The following CCNB3 variants were observed in gnomAD, a reference collection of about 807,000 sequenced individuals.
CCNB3 encodes the protein cyclin B3.
A neutral mutation model predicts 68.0 loss-of-function variants in CCNB3; 12 were observed. That is an observed-to-expected ratio of 0.18 (90% CI 0.11 to 0.29). CCNB3 has a LOEUF of 0.29. CCNB3 is among the 10% of genes least tolerant of loss of function. CCNB3 has a pLI of 1.00. For missense variants in CCNB3, 904 were observed against 993.1 expected, an observed-to-expected ratio of 0.91 and a Z score of 1.21; for synonymous variants, 354 against 388.9, an observed-to-expected ratio of 0.91 and a Z score of 1.06.
chrX:50,347,899 C>G lies in CCNB3; in HGVS notation c.3960+124C>G, dbSNP rs1923485489. 3.3e-5 allele frequency: 21 copies of G among 645,432 alleles called. No individual in the cohort carries two copies. In the South Asian group the frequency reaches 7.5e-4, roughly 23 times the overall value. 53.2% of individuals were successfully genotyped at this position (645,432 alleles called of 1,213,427 possible). A position where few individuals can be genotyped will look rare whatever the true frequency, so the allele number is the denominator to read the frequency against. ...GGACAAAACTGACACATATTCACCACTGTGAACTCTAACACCTGGACAACT... is the reference window on the plus strand; with the variant it reads ...GGACAAAACTGACACATATTCACCAGTGTGAACTCTAACACCTGGACAACT... On this transcript the variant is annotated intron_variant, in intron 11 of 12. Transcript: ENST00000376042.
chrX:50,297,483 G>A (rs1445715639), intron 5 of CCNB3, among the ~76,000 whole-genome samples: 28 of 111,635 alleles, frequency 2.5e-4, no homozygotes, highest in African/African-American at 7.1e-4. Flanking sequence ...TGTTCCATTG[G>A]TCTATATCTC....
At chrX:50,342,381 C>T (rs1923186155) in intron 9 of CCNB3, 42 bp downstream of exon 9, 1 of 1,115,026 alleles carries the variant, frequency 9.0e-7, no homozygotes, top group Non-Finnish European at 1.2e-6. Flanking sequence ...AATCAAGTTT[C>T]TGTCCAACCC....
chrX:50,295,124 C>T, intron 5 of CCNB3, 131 bp downstream of exon 5: 2 of 644,615 alleles, frequency 3.1e-6, no homozygotes, highest in East Asian at 7.0e-5. Flanking sequence ...CTGAGGTGGG[C>T]TCAGCTGTGG....
intron 1 of CCNB3, among the ~76,000 whole-genome samples, chrX:50,227,814 A>G (rs1313153983): frequency 1.1e-3 from 91 of 85,506 alleles, no homozygotes; most frequent in Non-Finnish European, 1.5e-3. Flanking sequence ...AAATATAAAT[A>G]TATAGAGAAT....
At chrX:50,219,945 C>CT (rs1482286299) in intron 1 of CCNB3, among the ~76,000 whole-genome samples, 6 of 110,824 alleles carry the variant, frequency 5.4e-5, no homozygotes, top group Non-Finnish European at 1.1e-4. Context: ...CTCTTTTTTC[C>CT]TTAAGCAGTG....
chrX:50,342,325 G>A lies in CCNB3; in HGVS notation c.3640G>A (p.Ala1214Thr). ...QLLGATAFMI[A>T]AKFEEHNSPR... ...CCTTGGTGCCACTGCCTTTATGATT[G>A]CAGCAAAATTTGAGGTGAGTCTGAG... is the stretch of plus-strand genomic sequence containing the variant. Residue 1214 changes from alanine (A) to threonine (T), a missense_variant, in exon 9 of 13, where the codon GCA becomes ACA. By Grantham distance (58) the Ala-to-Thr change is moderately conservative. This residue lies in a region of CCNB3 where 285 missense variants were observed against 383.4 expected (regional missense o/e 0.74). Coordinates refer to ENST00000376042, the MANE Select transcript of CCNB3 (RefSeq NM_033031.3). 1 of 1,198,430 alleles carries A rather than the reference G, an allele frequency of 8.3e-7. No individual in the cohort carries two copies. Among genetic ancestry groups the A allele is most frequent in the Non-Finnish European group, 1.1e-6 (1 of 889,088 alleles).
At chrX:50,214,624 G>A (rs1267140275) in intron 1 of CCNB3, among the ~76,000 whole-genome samples, 1 of 95,443 alleles carries the variant, frequency 1.0e-5, no homozygotes, top group Non-Finnish European at 2.1e-5. Context: ...ATATAATATT[G>A]TATTTTATGT....
intron 4 of CCNB3, among the ~76,000 whole-genome samples, chrX:50,290,402 C>A (rs1377095867): frequency 9.0e-6 from 1 of 111,400 alleles, no homozygotes; most frequent in African/African-American, 3.3e-5. Flanking sequence ...CTTCCTCGGG[C>A]CTCTTTTATA....
At chrX:50,288,367 A>T (rs782043698) in intron 3 of CCNB3, among the ~76,000 whole-genome samples, 9 of 111,092 alleles carry the variant, frequency 8.1e-5, no homozygotes, top group Non-Finnish European at 1.5e-4. Flanking sequence ...AGAGACACTT[A>T]GATACTTGTT....
intron 11 of CCNB3, 66 bp from the exon 12 acceptor site, chrX:50,351,175 A>G: frequency 8.6e-7 from 1 of 1,160,403 alleles, no homozygotes; most frequent in Non-Finnish European, 1.2e-6. Flanking sequence ...TAGACTTGGG[A>G]TAGCAGAGAT....
intron 1 of CCNB3, among the ~76,000 whole-genome samples, chrX:50,280,406 G>C (rs914872277): frequency 9.3e-6 from 1 of 107,647 alleles, no homozygotes; most frequent in Non-Finnish European, 1.9e-5. Flanking sequence ...TGAATGAAAT[G>C]AATGAGATAT....
At chrX:50,285,908 G>A (rs1045814746) in intron 3 of CCNB3, among the ~76,000 whole-genome samples, 1 of 111,928 alleles carries the variant, frequency 8.9e-6, no homozygotes, top group Non-Finnish European at 1.9e-5. Flanking sequence ...TCAGCGAGGT[G>A]CCAAATTTTT....
chrX:50,343,899 C>G (rs1190153166), intron 9 of CCNB3, among the ~76,000 whole-genome samples: 1 of 111,495 alleles, frequency 9.0e-6, no homozygotes, highest in Non-Finnish European at 1.9e-5. Context: ...AATTTAGTGT[C>G]GCCTAATTGT....
intron 8 of CCNB3, 47 bp downstream of exon 8, chrX:50,313,995 A>C: frequency 6.0e-6 from 6 of 1,008,039 alleles, no homozygotes; most frequent in Non-Finnish European, 8.4e-6. Flanking sequence ...TCTCTTTCTC[A>C]TTCAGGGCTG....
chrX:50,285,190 C>T lies in CCNB3; in HGVS notation c.27C>T (p.Ser9=). The T allele has an allele frequency of 1.7e-6, 2 of 1,210,453 alleles. No homozygotes were observed. The highest frequency in any genetic ancestry group is 1.1e-6 in the Non-Finnish European group (1 of 894,437). The change falls in exon 3 of 13, where the codon AGC becomes AGT. Residue 9 remains serine, a synonymous_variant. Transcript: ENST00000376042. ...TGCTACTGCCACTACCACCCCAGAG[C>T]TCCAAACCTGTGCCTAAGAAATCTC... MLLPLPPQ[S]SKPVPKKSQS... is the part of the protein sequence containing the mutation.
chrX:50,307,627 C>T (rs1557213738), intron 5 of CCNB3, among the ~76,000 whole-genome samples: 1 of 110,161 alleles, frequency 9.1e-6, no homozygotes, highest in Non-Finnish European at 1.9e-5. Context: ...TTTCAATACC[C>T]CCCGTCCACT....
intron 1 of CCNB3, among the ~76,000 whole-genome samples, chrX:50,222,613 A>T (rs1445665697): frequency 9.0e-6 from 1 of 111,711 alleles, no homozygotes; most frequent in Admixed American, 9.5e-5. Context: ...CTTCTGGCCT[A>T]TAGGGTTTCT....
intron 3 of CCNB3, among the ~76,000 whole-genome samples, chrX:50,287,346 C>T (rs782732259): frequency 8.1e-5 from 9 of 111,077 alleles, no homozygotes; most frequent in Admixed American, 3.8e-4. Flanking sequence ...TTCCCTTCCC[C>T]GGCCCCTCCT....
intron 5 of CCNB3, among the ~76,000 whole-genome samples, chrX:50,306,602 GTT>G (rs1211754578): frequency 9.0e-6 from 1 of 111,542 alleles, no homozygotes; most frequent in Non-Finnish European, 1.9e-5. Flanking sequence ...TTTGCTTTGG[GTT>G]TTTTTGTAGA....
Sources: gnomAD v4.1 joint callset for allele counts (sites outside exome capture counted in the v4.1 genomes callset) on GRCh38, gnomAD v4.1.1 for gene constraint, gnomAD v4.1.1 regional missense constraint, MANE v1.5 for transcripts, NCBI Gene and HGNC (gene_info 2026-07-23, HGNC 2026-07-21) for gene names.